The following MAP3K5 variants were observed in gnomAD, a reference collection of about 807,000 sequenced individuals.
The protein encoded by MAP3K5 is ASK-1.
In MAP3K5, 56 loss-of-function variants were observed where a neutral mutation model predicts 158.7. That is an observed-to-expected ratio of 0.35 (90% confidence interval 0.28 to 0.44). The LOEUF (loss-of-function observed/expected upper bound fraction) is 0.44, where lower values mean the gene tolerates loss of function less well. Ranked by LOEUF, MAP3K5 falls within the 20% of genes least tolerant of loss-of-function variation. MAP3K5 has a pLI of 1.00. For missense variants in MAP3K5, 1,294 were observed against 1,674.8 expected (o/e 0.77, Z 3.97); for synonymous variants, 579 against 601.7 (o/e 0.96, Z 0.55).
At chr6:136,760,606 C>T (rs1013214343) in intron 1 of MAP3K5, among the ~76,000 whole-genome samples, 2 of 152,092 alleles carry the variant, frequency 1.3e-5, no homozygotes, top group Non-Finnish European at 2.9e-5. Context: ...GATAATATTA[C>T]GAGGTGAGGG....
chr6:136,661,226 C>T (rs1378722083), intron 8 of MAP3K5, among the ~76,000 whole-genome samples: 2 of 151,970 alleles, frequency 1.3e-5, no homozygotes, highest in Non-Finnish European at 2.9e-5. Flanking sequence ...TACTTTTTAT[C>T]GTATAATTCC....
At chr6:136,598,547 A>G (rs1379705498) in intron 21 of MAP3K5, among the ~76,000 whole-genome samples, 5 of 152,214 alleles carry the variant, frequency 3.3e-5, no homozygotes, top group African/African-American at 9.7e-5. Flanking sequence ...TTAAGCTGAC[A>G]TGAATTACTT....
At chr6:136,670,375 A>T (rs1779429914) in intron 7 of MAP3K5, among the ~76,000 whole-genome samples, 1 of 152,156 alleles carries the variant, frequency 6.6e-6, no homozygotes, top group African/African-American at 2.4e-5. Flanking sequence ...GACTAAGAGG[A>T]ACTGCCTGAG....
At chr6:136,713,728 C>T (rs982135377) in intron 2 of MAP3K5, among the ~76,000 whole-genome samples, 2 of 152,020 alleles carry the variant, frequency 1.3e-5, no homozygotes, top group African/African-American at 2.4e-5. Flanking sequence ...ATTGTCTCTA[C>T]CAAATGAAAA....
intron 21 of MAP3K5, among the ~76,000 whole-genome samples, chr6:136,596,967 C>T (rs770684107): frequency 6.6e-6 from 1 of 152,126 alleles, no homozygotes; most frequent in Non-Finnish European, 1.5e-5. Flanking sequence ...GTGATTGGGA[C>T]CCCAGGCTGC....
rs1778906359 is a variant in MAP3K5 at position 136,659,360 on chromosome 6, A to G, written c.1385T>C (p.Leu462Pro). ...LRKVGVKLSS[L>P]LGKKGNLEKL... ...TTCCAAGTTTCCCTTTTTACCAAGA[A>G]GACTACTTAGCTTCACCCCTAGAAT... is the stretch of plus-strand genomic sequence containing the variant. The change falls in exon 9 of 30, where the codon CTT becomes CCT. Residue 462 changes from leucine to proline, a missense_variant. Leu to Pro is a moderately conservative substitution (Grantham distance 98, BLOSUM62 -3). This residue lies in a region of MAP3K5 where 690 missense variants were observed against 870.5 expected (regional missense o/e 0.79). Coordinates refer to ENST00000359015, the MANE Select transcript of MAP3K5 (RefSeq NM_005923.4). 2.5e-6 allele frequency: 4 copies of G among 1,614,056 alleles called. No homozygotes were observed. The highest frequency in any genetic ancestry group is 3.4e-6 in the Non-Finnish European group (4 of 1,180,010).
intron 1 of MAP3K5, among the ~76,000 whole-genome samples, chr6:136,731,882 A>G (rs1782241240): frequency 6.6e-6 from 1 of 152,268 alleles, no homozygotes; most frequent in African/African-American, 2.4e-5. Flanking sequence ...GAGATCAGAC[A>G]ATACTTTAAT....
intron 11 of MAP3K5, among the ~76,000 whole-genome samples, chr6:136,649,820 C>A (rs1000935071): frequency 4.6e-5 from 7 of 152,196 alleles, no homozygotes; most frequent in African/African-American, 7.2e-5. Context: ...TTTCATTTAA[C>A]CTTCACAACA....
At chr6:136,559,035 CCTGTTACTCAATAAATA>C (rs370701622) in intron 28 of MAP3K5, among the ~76,000 whole-genome samples, 159 bp from the exon 29 acceptor site, 150 of 152,256 alleles carry the variant, frequency 9.9e-4, no homozygotes, top group African/African-American at 3.5e-3. Context: ...GAAAGGCCTC[CCTGTTACTCAATAAATA>C]CAAAGAAATG....
At chr6:136,697,098 C>G in intron 5 of MAP3K5, 121 bp downstream of exon 5, 1 of 663,470 alleles carries the variant, frequency 1.5e-6, no homozygotes, top group Non-Finnish European at 2.4e-6. Flanking sequence ...TTAAGAGAGT[C>G]AATAAAAAAT....
At chr6:136,660,051 A>G (rs1778935836) in intron 8 of MAP3K5, among the ~76,000 whole-genome samples, 2 of 152,244 alleles carry the variant, frequency 1.3e-5, no homozygotes. Flanking sequence ...CATAAATTAA[A>G]AGGTCATAAT....
At chr6:136,769,558 A>G (rs900118391) in intron 1 of MAP3K5, among the ~76,000 whole-genome samples, 2 of 151,442 alleles carry the variant, frequency 1.3e-5, no homozygotes, top group Admixed American at 6.6e-5. Flanking sequence ...AGAGAGAAGT[A>G]TACAGAAGTG....
chr6:136,737,263 G>A (rs965737315), intron 1 of MAP3K5, among the ~76,000 whole-genome samples: 4 of 152,032 alleles, frequency 2.6e-5, no homozygotes, highest in African/African-American at 9.7e-5. Context: ...GGGGGCGAGG[G>A]TTGAAGAACT....
At chr6:136,768,727 A>T (rs2114995331) in intron 1 of MAP3K5, among the ~76,000 whole-genome samples, 1 of 152,126 alleles carries the variant, frequency 6.6e-6, no homozygotes, top group African/African-American at 2.4e-5. Flanking sequence ...CAGCTTAGAC[A>T]ACTTGCTGAA....
intron 25 of MAP3K5, 37 bp downstream of exon 25, chr6:136,580,257 TATCCAAG>T: frequency 7.9e-7 from 1 of 1,268,568 alleles, no homozygotes; most frequent in Non-Finnish European, 1.2e-6. Flanking sequence ...TAATCTAAAA[TATCCAAG>T]CACTAAATAT....
chr6:136,633,561 C>G (rs539536324), intron 14 of MAP3K5, among the ~76,000 whole-genome samples: 1 of 151,976 alleles, frequency 6.6e-6, no homozygotes, highest in African/African-American at 2.4e-5. Flanking sequence ...GGCTCCTGAC[C>G]CCAGCCTGGA....
At chr6:136,788,650 T>C (rs1219459759) in intron 1 of MAP3K5, among the ~76,000 whole-genome samples, 1 of 152,038 alleles carries the variant, frequency 6.6e-6, no homozygotes, top group Admixed American at 6.5e-5. Context: ...TATGAAAAAA[T>C]GTTCATCATC....
chr6:136,748,637 C>T (rs1783064024), intron 1 of MAP3K5, among the ~76,000 whole-genome samples: 2 of 152,006 alleles, frequency 1.3e-5, no homozygotes, highest in Non-Finnish European at 2.9e-5. Flanking sequence ...AATAAAGATG[C>T]AATTAAATTA....
intron 7 of MAP3K5, among the ~76,000 whole-genome samples, chr6:136,691,201 T>C (rs1780371788): frequency 6.6e-6 from 1 of 152,194 alleles, no homozygotes; most frequent in Non-Finnish European, 1.5e-5. Context: ...CTGTGAGCTG[T>C]TTTTTATTTG....
Sources: allele counts gnomAD v4.1 joint callset (sites outside exome capture counted in the v4.1 genomes callset), GRCh38; gene constraint gnomAD v4.1.1; regional missense constraint gnomAD v4.1.1; transcripts MANE v1.5; gene names NCBI Gene and HGNC (gene_info 2026-07-23, HGNC 2026-07-21).